SPRED2: variants seen among roughly 807,000 people sequenced by gnomAD.
SPRED2 encodes the protein sprouty related EVH1 domain containing 2, also known as sprouty-related, EVH1 domain-containing protein 2.
SPRED2 carries 47 observed loss-of-function variants against 43.0 expected under a neutral mutation model. That is an observed-to-expected ratio of 1.09 (90% CI 0.87 to 1.40). SPRED2 has a LOEUF of 1.40. SPRED2 is among the 40% of genes most tolerant of loss of function. The pLI, the probability that SPRED2 is intolerant of heterozygous loss-of-function variation, is 0.00. For missense variants in SPRED2, 561 were observed against 586.4 expected (o/e 0.96, Z 0.45); for synonymous variants, 225 against 225.7 (o/e 1.00, Z 0.03).
At chr2:65,322,296 T>TATATATA (rs1558649902) in intron 4 of SPRED2, among the ~76,000 whole-genome samples, 1 of 106,480 alleles carries the variant, frequency 9.4e-6, no homozygotes, top group African/African-American at 4.5e-5. Context: ...ATATATATAT[T>TATATATA]TTTTTTTTTT....
chr2:65,327,878 C>T (rs1427306530), intron 4 of SPRED2, among the ~76,000 whole-genome samples: 1 of 151,982 alleles, frequency 6.6e-6, no homozygotes, highest in Non-Finnish European at 1.5e-5. Context: ...GGCCCGCCAT[C>T]ATGCCTGGCT....
chr2:65,411,640 T>C (rs1402924777), intron 1 of SPRED2, among the ~76,000 whole-genome samples: 1 of 152,222 alleles, frequency 6.6e-6, no homozygotes, highest in African/African-American at 2.4e-5. Flanking sequence ...TTGAGTTAAG[T>C]GGCTTTCATA....
chr2:65,349,326 A>G (rs1674442202), intron 1 of SPRED2, among the ~76,000 whole-genome samples: 2 of 151,746 alleles, frequency 1.3e-5, no homozygotes, highest in South Asian at 4.1e-4. Context: ...AAAAAAAAAA[A>G]AAAAGAATCT....
chr2:65,373,115 T>C (rs1675167927), intron 1 of SPRED2, among the ~76,000 whole-genome samples: 1 of 151,776 alleles, frequency 6.6e-6, no homozygotes, highest in Non-Finnish European at 1.5e-5. Flanking sequence ...CCATAATTAA[T>C]GGAGTTAGAA....
At chr2:65,318,742 G>A (rs567805088) in intron 4 of SPRED2, among the ~76,000 whole-genome samples, 21 of 151,624 alleles carry the variant, frequency 1.4e-4, no homozygotes, top group African/African-American at 4.1e-4. Context: ...CATGAACACA[G>A]CTCAAGTGAT....
chr2:65,345,256 G>GTTT (rs1674316483), intron 1 of SPRED2, among the ~76,000 whole-genome samples: 1 of 82,792 alleles, frequency 1.2e-5, no homozygotes, highest in African/African-American at 5.3e-5. Flanking sequence ...GTTTTTAGTT[G>GTTT]TTGTTTTTTT....
At chr2:65,404,770 G>A (rs114117692) in intron 1 of SPRED2, among the ~76,000 whole-genome samples, 131 of 152,220 alleles carry the variant, frequency 8.6e-4, no homozygotes, top group African/African-American at 2.7e-3. Context: ...TAAAAAACAC[G>A]TGCCTGTTTC....
chr2:65,417,527 C>T (rs1191191315), intron 1 of SPRED2, among the ~76,000 whole-genome samples: 1 of 152,220 alleles, frequency 6.6e-6, no homozygotes, highest in African/African-American at 2.4e-5. Flanking sequence ...GGCTAGCCAT[C>T]TGTTCAATGC....
In SPRED2 at chr2:65,312,009, C is replaced by T. The variant is rs1673083795; in HGVS notation, c.*1492G>A. ...TCGTGGCGGGAAGAACAGCCGGCGT[C>T]CGCAAGCCTGTCCCCGGTGGTCTCC... is the stretch of plus-strand genomic sequence containing the variant. On this transcript the variant is annotated 3_prime_UTR_variant, in exon 6 of 6. Transcript: ENST00000356388. 1.0e-6 allele frequency: 1 copy of T among 985,224 alleles called. No individual in the cohort carries two copies. The allele number at this position is 985,224 out of a possible 1,614,324, so 61.0% of individuals were successfully genotyped here.
intron 1 of SPRED2, among the ~76,000 whole-genome samples, chr2:65,371,422 C>T (rs1348730466): frequency 6.6e-6 from 1 of 152,194 alleles, no homozygotes; most frequent in Non-Finnish European, 1.5e-5. Context: ...CTGGTGGTCA[C>T]TTGCTGCCTT....
chr2:65,344,428 T>C, intron 2 of SPRED2: 1 of 492,218 alleles, frequency 2.0e-6, no homozygotes, highest in South Asian at 1.8e-5. Flanking sequence ...CACTTTTGTT[T>C]TGAATACCTT....
intron 2 of SPRED2, among the ~76,000 whole-genome samples, chr2:65,337,841 A>G (rs1674011548): frequency 6.6e-6 from 1 of 152,234 alleles, no homozygotes; most frequent in Non-Finnish European, 1.5e-5. Flanking sequence ...TATTTGAAGT[A>G]TAAATTAGAA....
chr2:65,313,808 T>C lies in SPRED2; in HGVS notation c.950A>G (p.Asn317Ser), dbSNP rs936514564. 1.6e-5 allele frequency: 26 copies of C among 1,613,892 alleles called. No homozygotes were observed. Among genetic ancestry groups the C allele is most frequent in the Non-Finnish European group, 2.2e-5 (26 of 1,180,010 alleles). ...SRCVYCRDMF[N>S]HEENRRGHCQ... ...GTGGCCCCGGCGGTTCTCCTCGTGG[T>C]TGAACATGTCCCTGCAGTACACGCA... The change falls in exon 6 of 6, where the codon AAC (asparagine) becomes AGC (serine). Residue 317 changes from asparagine (N) to serine (S), a missense_variant. Around this residue, in one of 6 missense-constraint regions of SPRED2, gnomAD observed 164 missense variants for 164.1 expected, o/e 1.00. Coordinates refer to ENST00000356388, the MANE Select transcript of SPRED2 (RefSeq NM_181784.3).
At chr2:65,415,366 C>A (rs1034766010) in intron 1 of SPRED2, among the ~76,000 whole-genome samples, 3 of 152,076 alleles carry the variant, frequency 2.0e-5, no homozygotes, top group Non-Finnish European at 4.4e-5. Context: ...AATGTATTTT[C>A]ATTTCTAGGT....
intron 1 of SPRED2, among the ~76,000 whole-genome samples, chr2:65,398,233 C>G (rs1428811990): frequency 6.6e-6 from 1 of 152,196 alleles, no homozygotes; most frequent in Non-Finnish European, 1.5e-5. Context: ...ATACAAAAAT[C>G]AACTCAAGAT....
chr2:65,327,905 G>A (rs1286696220), intron 4 of SPRED2, among the ~76,000 whole-genome samples: 2 of 151,380 alleles, frequency 1.3e-5, no homozygotes, highest in Non-Finnish European at 2.9e-5. Context: ...TGTATTTTTA[G>A]TAGAGATGGG....
At chr2:65,338,863 T>G (rs1449507614) in intron 2 of SPRED2, among the ~76,000 whole-genome samples, 2 of 141,114 alleles carry the variant, frequency 1.4e-5, no homozygotes, top group Non-Finnish European at 3.1e-5. Flanking sequence ...GAGCGCCTCC[T>G]CCCGGCCGCC....
At chr2:65,398,963 A>G (rs1675818276) in intron 1 of SPRED2, among the ~76,000 whole-genome samples, 1 of 152,228 alleles carries the variant, frequency 6.6e-6, no homozygotes, top group Non-Finnish European at 1.5e-5. Flanking sequence ...CCAAATGCCT[A>G]TCAACCAACA....
chr2:65,344,517 T>C (rs1164656982), intron 2 of SPRED2: 1 of 721,748 alleles, frequency 1.4e-6, no homozygotes, highest in Non-Finnish European at 2.5e-6. Flanking sequence ...ATAAAGCGTG[T>C]GGTCAAAAGA....
Sources: allele counts gnomAD v4.1 joint callset (sites outside exome capture counted in the v4.1 genomes callset), GRCh38; gene constraint gnomAD v4.1.1; regional missense constraint gnomAD v4.1.1; transcripts MANE v1.5; gene names NCBI Gene and HGNC (gene_info 2026-07-23, HGNC 2026-07-21).